The following PLAGL1 variants were observed in gnomAD, a reference collection of about 807,000 sequenced individuals.
PLAGL1 encodes the protein PLAG1 like zinc finger 1.
PLAGL1 carries 1 observed loss-of-function variant against 4.6 expected under a neutral mutation model. The observed-to-expected ratio is 0.22, with a 90% confidence interval of 0.08 to 1.03. PLAGL1 has a LOEUF of 1.03. PLAGL1 is among the 50% of genes least tolerant of loss of function. PLAGL1 has a pLI of 0.58. For synonymous variants in PLAGL1, 240 were observed against 237.8 expected (o/e 1.01, Z -0.08); for missense variants, 464 against 570.4 (o/e 0.81, Z 1.90).
rs939704282 is a variant in PLAGL1, at chr6:143,964,664, C to G, written c.-399+123G>C. 3 of 137,216 alleles carry G rather than the reference C, an allele frequency of 2.2e-5. No individual in the cohort carries two copies. The highest frequency in any genetic ancestry group is 8.0e-5 in the African/African-American group (3 of 37,614). The allele number at this position is 137,216 out of a possible 1,614,324, so 8.5% of individuals were successfully genotyped here. A position where few individuals can be genotyped will look rare whatever the true frequency, so the allele number is the denominator to read the frequency against. On this transcript the variant is annotated intron_variant, in intron 5 of 7. Transcript: ENST00000674357. This position sits in a 1 kb window ranked among gnomAD's most constrained non-coding sequence, Gnocchi z 4.3. The stretch of plus-strand genomic sequence containing the variant: ...GAGAGAGGACCATGGACTCTGCATA[C>G]GCTCTGGTGACCTAGGGTGGAGGGG...
intron 2 of PLAGL1, among the ~76,000 whole-genome samples, chr6:143,976,141 G>T (rs1786474810): frequency 6.6e-6 from 1 of 151,856 alleles, no homozygotes; most frequent in Admixed American, 6.6e-5. Context: ...AGAGTGTACA[G>T]AATACTGTGG....
In PLAGL1 at chr6:144,036,123, C is replaced by T. The variant is rs1193903947; in HGVS notation, c.-151+28345G>A. ...GACCCAGAGGGCAGCTACAAGCCGACTTTTATGCTCTGCCTCCAGAATGAC... is the reference window on the plus strand; with the variant it reads ...GACCCAGAGGGCAGCTACAAGCCGATTTTTATGCTCTGCCTCCAGAATGAC... On this transcript the variant is annotated intron_variant, in intron 1 of 3. Coordinates refer to the PLAGL1 transcript ENST00000437412. The surrounding 1 kb of genome is among the most constrained non-coding windows in gnomAD (Gnocchi z 5.1). 6.6e-6 allele frequency among the ~76,000 whole-genome samples: 1 copy of T among 152,180 alleles called. No homozygotes were observed. Among genetic ancestry groups the T allele is most frequent in the Admixed American group, 6.5e-5 (1 of 15,274 alleles).
rs941780463 is a variant in PLAGL1, at chr6:143,989,883, ATC to A, written c.-583-4711_-583-4710del. ...CCACTCCTAATACTTAACACATAAC[ATC>A]TCTCTGTTAACATCCCTACTTAATG... is the stretch of plus-strand genomic sequence containing the variant. On this transcript the variant is annotated intron_variant, in intron 1 of 7. Coordinates refer to ENST00000674357, the MANE Select transcript of PLAGL1 (RefSeq NM_001317162.2). This position sits in a 1 kb window ranked among gnomAD's most constrained non-coding sequence, Gnocchi z 4.8. Among the ~76,000 whole-genome samples the A allele has an allele frequency of 2.2e-4, 34 of 152,154 alleles. No homozygotes were observed. The highest frequency in any genetic ancestry group is 1.6e-3 in the Admixed American group (24 of 15,280).
chr6:144,040,453 T>C (rs971418226), intron 1 of PLAGL1, among the ~76,000 whole-genome samples: 5 of 151,894 alleles, frequency 3.3e-5, no homozygotes, highest in African/African-American at 9.7e-5. Flanking sequence ...CATTTGAACC[T>C]GAGAGGCAGA....
At chr6:144,047,462 T>C (rs543989381) in intron 1 of PLAGL1, among the ~76,000 whole-genome samples, 4 of 152,266 alleles carry the variant, frequency 2.6e-5, no homozygotes, top group African/African-American at 9.6e-5. Context: ...ATTTTTAAAG[T>C]AAAGATGTTT....
intron 1 of PLAGL1, among the ~76,000 whole-genome samples, chr6:143,999,138 G>A (rs1231915339): frequency 6.6e-6 from 1 of 152,094 alleles, no homozygotes; most frequent in Non-Finnish European, 1.5e-5. Flanking sequence ...AGGAAGGAAA[G>A]ATATTAGAAA....
chr6:143,963,873 A>C lies in PLAGL1; in HGVS notation c.-399+914T>G, dbSNP rs751830093. ...TTTTACTTTGTTTGAATTCCCAATGATTCTCCTTTCTAGCTCATTTAAAAC... is the reference window on the plus strand; with the variant it reads ...TTTTACTTTGTTTGAATTCCCAATGCTTCTCCTTTCTAGCTCATTTAAAAC... On this transcript the variant is annotated intron_variant, in intron 5 of 7. Coordinates refer to ENST00000674357, the MANE Select transcript of PLAGL1 (RefSeq NM_001317162.2). The surrounding 1 kb of genome is among the most constrained non-coding windows in gnomAD (Gnocchi z 6.1). Among the ~76,000 whole-genome samples, 59 of 152,284 alleles carry C rather than the reference A, an allele frequency of 3.9e-4. No individual in the cohort carries two copies. The highest frequency in any genetic ancestry group is 6.5e-4 in the Non-Finnish European group (44 of 68,016).
At chr6:143,976,291 T>C (rs980179861) in intron 2 of PLAGL1, among the ~76,000 whole-genome samples, 1 of 149,280 alleles carries the variant, frequency 6.7e-6, no homozygotes, top group Non-Finnish European at 1.5e-5. Flanking sequence ...TTTTCTTTTT[T>C]TTTTTTTTTT....
At chr6:144,045,082 C>T (rs1000628470) in intron 1 of PLAGL1, among the ~76,000 whole-genome samples, 25 of 138,644 alleles carry the variant, frequency 1.8e-4, no homozygotes, top group Admixed American at 1.5e-3. Context: ...TGTGTCTCTG[C>T]ATGTGAGATG....
At position 143,984,392 on chromosome 6, in the gene PLAGL1, AC is replaced by A. The variant is rs754782873; in HGVS notation, c.-544+742del. Among the ~76,000 whole-genome samples the A allele has an allele frequency of 1.3e-5, 2 of 152,196 alleles. No homozygotes were observed. The highest frequency in any genetic ancestry group is 1.5e-5 in the Non-Finnish European group (1 of 68,036). On this transcript the variant is annotated intron_variant, in intron 2 of 7. Coordinates refer to ENST00000674357, the MANE Select transcript of PLAGL1 (RefSeq NM_001317162.2). The surrounding 1 kb of genome is among the most constrained non-coding windows in gnomAD (Gnocchi z 5.5). ...ATCGATAATCACTTGTTGGAAACAA[AC>A]AAGTCTAATTTGATTTTAACTCAGC...
chr6:143,941,411 C>CTT lies in PLAGL1; in HGVS notation c.*11_*12dup. 1.3e-6 allele frequency: 2 copies of CTT among 1,490,984 alleles called. No homozygotes were observed. The highest frequency in any genetic ancestry group is 1.8e-6 in the Non-Finnish European group (2 of 1,119,460). 92.4% of individuals were successfully genotyped at this position (1,490,984 alleles called of 1,614,324 possible). A position where few individuals can be genotyped will look rare whatever the true frequency, so the allele number is the denominator to read the frequency against. On this transcript the variant is annotated 3_prime_UTR_variant, in exon 8 of 8. Coordinates refer to ENST00000674357, the MANE Select transcript of PLAGL1 (RefSeq NM_001317162.2). The surrounding 1 kb of genome is among the most constrained non-coding windows in gnomAD (Gnocchi z 6.0). ...CATCTTCCAGAATACGAAAAATACACTTTAAAAATCAATTATCTGAATGCA... is the reference window on the plus strand; with the variant it reads ...CATCTTCCAGAATACGAAAAATACACTTTTTAAAAATCAATTATCTGAATGCA...
intron 7 of PLAGL1, among the ~76,000 whole-genome samples, chr6:143,943,393 A>C (rs559536727): frequency 1.3e-5 from 2 of 152,236 alleles, no homozygotes; most frequent in African/African-American, 4.8e-5. Context: ...TTTGAGACAA[A>C]AAGTTCAAGC....
chr6:144,003,459 C>T (rs1190080078), intron 1 of PLAGL1, among the ~76,000 whole-genome samples: 1 of 151,964 alleles, frequency 6.6e-6, no homozygotes, highest in African/African-American at 2.4e-5. Flanking sequence ...CCCGTCTGTA[C>T]TAAAAATACA....
chr6:143,944,853 T>C (rs1260055827), intron 7 of PLAGL1, among the ~76,000 whole-genome samples: 1 of 151,872 alleles, frequency 6.6e-6, no homozygotes, highest in Non-Finnish European at 1.5e-5. Context: ...TTTGTGCCTC[T>C]CTCTTTTCTT....
chr6:143,942,115 A>T lies in PLAGL1; in HGVS notation c.701T>A (p.Leu234Gln). The T allele has an allele frequency of 6.2e-7, 1 of 1,614,164 alleles. No individual in the cohort carries two copies. The highest frequency in any genetic ancestry group is 1.1e-5 in the South Asian group (1 of 91,080). Residue 234 changes from leucine (L) to glutamine (Q), a missense_variant, in exon 8 of 8, where the codon CTG becomes CAG. Physicochemically the swap from Leu to Gln is moderately radical, Grantham distance 113 (BLOSUM62 -2). Around this residue, in one of 4 missense-constraint regions of PLAGL1, gnomAD observed 248 missense variants for 250.1 expected, o/e 0.99. Coordinates refer to ENST00000674357, the MANE Select transcript of PLAGL1 (RefSeq NM_001317162.2). The surrounding 1 kb of genome is among the most constrained non-coding windows in gnomAD (Gnocchi z 7.6). Reference protein sequence around the residue: ...TFHTISPSFQLKAAALPPFPL... With the variant: ...TFHTISPSFQQKAAALPPFPL... The stretch of plus-strand genomic sequence containing the variant: ...GAAAGGAGGCAAGGCAGCAGCCTTC[A>T]GTTGGAATGAAGGCGAGATGGTGTG...
rs1379631598 is a variant in PLAGL1 at position 143,968,860 on chromosome 6, G to A, written c.-472+47C>T. On this transcript the variant is annotated intron_variant, in intron 3 of 7. Transcript: ENST00000674357. This position sits in a 1 kb window ranked among gnomAD's most constrained non-coding sequence, Gnocchi z 6.3. ...AATACAGAGCCATGACTGATGGCAG[G>A]AGCACTGGGGGGCAGGAGTTGGAGG... 2 of 152,450 alleles carry A rather than the reference G, an allele frequency of 1.3e-5. No homozygotes were observed. Among genetic ancestry groups the A allele is most frequent in the African/African-American group, 2.4e-5 (1 of 41,566 alleles). The allele number at this position is 152,450 out of a possible 1,614,324, so 9.4% of individuals were successfully genotyped here.
Position 144,050,064 on chromosome 6 carries a change from C to T in PLAGL1, c.-151+14404G>A, listed in dbSNP as rs1232362098. On this transcript the variant is annotated intron_variant, in intron 1 of 3. Coordinates refer to the PLAGL1 transcript ENST00000437412. This position sits in a 1 kb window ranked among gnomAD's most constrained non-coding sequence, Gnocchi z 4.3. ...GGAAGCCATTCACAATTTAGAGCCTCGGCTTTTTGAATGAAGTAGGAGAGT... is the reference window on the plus strand; with the variant it reads ...GGAAGCCATTCACAATTTAGAGCCTTGGCTTTTTGAATGAAGTAGGAGAGT... 3.9e-5 allele frequency among the ~76,000 whole-genome samples: 6 copies of T among 151,954 alleles called. No individual in the cohort carries two copies. The highest frequency in any genetic ancestry group is 9.7e-5 in the African/African-American group (4 of 41,364).
rs1798953776 is a variant in PLAGL1, at chr6:144,056,228, A to T, written c.-151+8240T>A. The stretch of plus-strand genomic sequence containing the variant: ...CACAGCAAAATTGAGGAGGAAAGAG[A>T]CATCTTACATGTCCCATCCCCCACA... On this transcript the variant is annotated intron_variant, in intron 1 of 3. Transcript: ENST00000437412. This position sits in a 1 kb window ranked among gnomAD's most constrained non-coding sequence, Gnocchi z 4.7. Among the ~76,000 whole-genome samples the T allele has an allele frequency of 1.3e-5, 2 of 152,056 alleles. No individual in the cohort carries two copies. Among genetic ancestry groups the T allele is most frequent in the Admixed American group, 1.3e-4 (2 of 15,242 alleles).
At chr6:144,002,061 T>C (rs910148754) in intron 1 of PLAGL1, among the ~76,000 whole-genome samples, 1 of 152,188 alleles carries the variant, frequency 6.6e-6, no homozygotes, top group Non-Finnish European at 1.5e-5. Flanking sequence ...ATTAATACTA[T>C]TGTGCCAATG....
Sources: allele counts gnomAD v4.1 joint callset (sites outside exome capture counted in the v4.1 genomes callset), GRCh38; gene constraint gnomAD v4.1.1; regional missense constraint gnomAD v4.1.1; non-coding constraint Gnocchi (gnomAD v3.1); transcripts MANE v1.5; gene names NCBI Gene and HGNC (gene_info 2026-07-23, HGNC 2026-07-21).